The following AK9 variants were observed in gnomAD, a reference collection of about 807,000 sequenced individuals.
AK9 encodes adenylate kinase 9.
Under a neutral mutation model 239.6 loss-of-function variants are expected in AK9, and 191 were observed. The ratio of observed to expected loss-of-function variants is 0.80; its 90% CI spans 0.71 to 0.90. The LOEUF (loss-of-function observed/expected upper bound fraction) is 0.90. Ranked by LOEUF, AK9 falls within the 40% of genes least tolerant of loss-of-function variation. The pLI is 0.00. For synonymous variants in AK9, 689 were observed against 721.0 expected, an observed-to-expected ratio of 0.96 and a Z score of 0.71; for missense variants, 1,995 against 2,214.7, an observed-to-expected ratio of 0.90 and a Z score of 1.99.
chr6:109,607,643 A>T (rs757280124), intron 17 of AK9, among the ~76,000 whole-genome samples: 6 of 152,144 alleles, frequency 3.9e-5, no homozygotes, highest in Non-Finnish European at 8.8e-5. Context: ...CACTGAGGGT[A>T]CTGAGGGATG....
chr6:109,548,502 G>T lies in AK9; in HGVS notation c.2964+1588C>A, dbSNP rs1417020397. On this transcript the variant is annotated intron_variant, in intron 25 of 40. Coordinates refer to ENST00000424296, the MANE Select transcript of AK9 (RefSeq NM_001145128.3). The stretch of plus-strand genomic sequence containing the variant: ...CAGTTTCCAAATGGACAATTTGTTT[G>T]AAAAAAGGACAAGACAATGTTGAAG... Among the ~76,000 whole-genome samples, 3 of 152,056 alleles carry T rather than the reference G, an allele frequency of 2.0e-5. No individual in the cohort carries two copies. The South Asian group carries it at 6.2e-4, about 31-fold the overall frequency.
rs1348410127 is a variant in AK9 at position 109,673,204 on chromosome 6, G to GTT, written c.181+992_181+993dup. ...AACAAAGAAAGAAGAAACTTTTAGA[G>GTT]TTGTGTGTGTGTGTGAGTGTGTGTG... On this transcript the variant is annotated intron_variant, in intron 3 of 40. Transcript: ENST00000424296. Among the ~76,000 whole-genome samples, 12 of 152,086 alleles carry GTT rather than the reference G, an allele frequency of 7.9e-5. No homozygotes were observed. The South Asian group carries it at 2.5e-3, about 32-fold the overall frequency.
intron 12 of AK9, among the ~76,000 whole-genome samples, chr6:109,628,787 T>C (rs1795814128): frequency 6.6e-6 from 1 of 152,182 alleles, no homozygotes; most frequent in Non-Finnish European, 1.5e-5. Flanking sequence ...TAGCTATCTG[T>C]TGTCTATTTT....
chr6:109,674,832 G>A (rs1250262124), intron 2 of AK9, among the ~76,000 whole-genome samples: 2 of 152,156 alleles, frequency 1.3e-5, no homozygotes, highest in Non-Finnish European at 2.9e-5. Context: ...ACCATTTATT[G>A]GTACCTGTCC....
rs186753842 is a variant in AK9 at position 109,647,800 on chromosome 6, C to T, written c.760-3112G>A. Among the ~76,000 whole-genome samples, 316 of 151,492 alleles carry T rather than the reference C, an allele frequency of 2.1e-3. 1 individual carries two copies. The highest frequency in any genetic ancestry group is 2.7e-3 in the Non-Finnish European group (181 of 67,798). ...ACAGAATATACATTCTTCTCAGCAC[C>T]ACACCACACCTACTCCAAAACTGAC... On this transcript the variant is annotated intron_variant, in intron 8 of 40. Coordinates refer to ENST00000424296, the MANE Select transcript of AK9 (RefSeq NM_001145128.3).
At chr6:109,601,513 T>C (rs1791960047) in intron 17 of AK9, among the ~76,000 whole-genome samples, 1 of 152,192 alleles carries the variant, frequency 6.6e-6, no homozygotes, top group Non-Finnish European at 1.5e-5. Flanking sequence ...GTGGTCAATT[T>C]TGGAATAAGT....
intron 29 of AK9, 54 bp from the exon 30 acceptor site, chr6:109,516,696 C>T: frequency 7.1e-7 from 1 of 1,401,352 alleles, no homozygotes; most frequent in Non-Finnish European, 9.8e-7. Flanking sequence ...TAACAAAAGA[C>T]ACTATTAACA....
At position 109,495,450 on chromosome 6, in the gene AK9, C is replaced by A. The variant is rs961012463; in HGVS notation, c.5316-10G>T. Reference sequence around the variant, plus strand: ...GTATTTCAGTGGCGACCTAAGAACACAAAGTTCATTAGATGGATGCTCACA... The same window carrying A: ...GTATTTCAGTGGCGACCTAAGAACAAAAAGTTCATTAGATGGATGCTCACA... On this transcript the variant is annotated splice_polypyrimidine_tract_variant and intron_variant, in intron 38 of 40. Transcript: ENST00000424296. 6.2e-7 allele frequency: 1 copy of A among 1,600,024 alleles called. No homozygotes were observed. Among genetic ancestry groups the A allele is most frequent in the South Asian group, 1.1e-5 (1 of 90,340 alleles).
intron 29 of AK9, chr6:109,528,702 T>C (rs999861923): frequency 2.5e-5 from 12 of 486,800 alleles, no homozygotes; most frequent in African/African-American, 3.9e-5. Flanking sequence ...GTTGCACTTG[T>C]AGCAAGTTGT....
chr6:109,628,542 T>C (rs979300367), intron 12 of AK9, among the ~76,000 whole-genome samples: 1 of 152,212 alleles, frequency 6.6e-6, no homozygotes, highest in Non-Finnish European at 1.5e-5. Flanking sequence ...TTCACTGTCA[T>C]GGCTGGAATT....
At chr6:109,567,116 C>G (rs983131602) in intron 21 of AK9, among the ~76,000 whole-genome samples, 1 of 152,118 alleles carries the variant, frequency 6.6e-6, no homozygotes, top group Non-Finnish European at 1.5e-5. Flanking sequence ...ATAAAAAACC[C>G]TTCAAAAAAT....
chr6:109,623,953 A>T (rs1032345185), intron 12 of AK9, among the ~76,000 whole-genome samples: 3 of 151,508 alleles, frequency 2.0e-5, no homozygotes, highest in Admixed American at 2.0e-4. Flanking sequence ...TAGATAATAC[A>T]TTTTAAAAAA....
chr6:109,561,008 G>C (rs1283609358), intron 24 of AK9, among the ~76,000 whole-genome samples: 1 of 151,974 alleles, frequency 6.6e-6, no homozygotes, highest in Non-Finnish European at 1.5e-5. Flanking sequence ...GCCTAGGCTG[G>C]AGTGCAATGG....
At chr6:109,678,120 T>C (rs1277375654) in intron 1 of AK9, among the ~76,000 whole-genome samples, 1 of 152,234 alleles carries the variant, frequency 6.6e-6, no homozygotes, top group Non-Finnish European at 1.5e-5. Context: ...TTAATGTTCA[T>C]CACAGCTTTA....
intron 17 of AK9, among the ~76,000 whole-genome samples, chr6:109,608,359 C>T (rs551799109): frequency 1.8e-4 from 26 of 145,652 alleles, no homozygotes; most frequent in African/African-American, 5.8e-4. Context: ...TGGAACAGAA[C>T]GAAGAGTCTA....
At chr6:109,651,040 A>T (rs1369121991) in intron 8 of AK9, among the ~76,000 whole-genome samples, 1 of 151,752 alleles carries the variant, frequency 6.6e-6, no homozygotes, top group African/African-American at 2.4e-5. Context: ...ATGACAACAC[A>T]TGGACACAGG....
intron 1 of AK9, among the ~76,000 whole-genome samples, chr6:109,684,675 C>A (rs1362112939): frequency 1.4e-5 from 2 of 145,650 alleles, no homozygotes; most frequent in African/African-American, 2.6e-5. Context: ...GAGATTGAGA[C>A]CATCCCGGCT....
At chr6:109,638,881 T>A (rs540078926) in intron 10 of AK9, among the ~76,000 whole-genome samples, 164 of 152,206 alleles carry the variant, frequency 1.1e-3, no homozygotes, top group Non-Finnish European at 2.0e-3. Context: ...AATTCCCACC[T>A]ATGAGTGAGA....
intron 16 of AK9, 149 bp downstream of exon 16, chr6:109,611,861 G>C: frequency 1.7e-6 from 1 of 594,444 alleles, no homozygotes; most frequent in Non-Finnish European, 2.9e-6. Context: ...ACATAATAGA[G>C]TAGCCATTAA....
Sources: allele counts gnomAD v4.1 joint callset (sites outside exome capture counted in the v4.1 genomes callset), GRCh38; gene constraint gnomAD v4.1.1; transcripts MANE v1.5; gene names NCBI Gene and HGNC (gene_info 2026-07-23, HGNC 2026-07-21).